Variants in CYP39A1 observed in about 807,000 individuals in gnomAD.
CYP39A1 encodes cytochrome P450 family 39 subfamily A member 1.
CYP39A1 carries 49 observed loss-of-function variants against 58.1 expected under a neutral mutation model. The observed-to-expected ratio is 0.84, with a 90% CI of 0.67 to 1.07. The LOEUF is 1.07. Ranked by LOEUF, CYP39A1 falls within the 50% of genes least tolerant of loss-of-function variation. The pLI is 0.00. For missense variants in CYP39A1, 531 were observed against 539.4 expected, an observed-to-expected ratio of 0.98 and a Z score of 0.16; for synonymous variants, 209 against 187.6, an observed-to-expected ratio of 1.11 and a Z score of -0.93.
chr6:46,594,021 T>C (rs1426647155), intron 8 of CYP39A1, among the ~76,000 whole-genome samples: 1 of 152,134 alleles, frequency 6.6e-6, no homozygotes, highest in African/African-American at 2.4e-5. Flanking sequence ...CTTCACATCC[T>C]GAATTCCTTA....
chr6:46,565,417 A>G lies in CYP39A1; in HGVS notation c.1251-11563T>C, dbSNP rs560010147. 5.1e-4 allele frequency among the ~76,000 whole-genome samples: 78 copies of G among 152,228 alleles called. 3 individuals are homozygous for G. In the South Asian group the frequency reaches 0.015, roughly 30 times the overall value. ...TAGATGTTTTATATTAAATATAGAA[A>G]AAAAAGAACAAAATGGGAAGAGAAG... On this transcript the variant is annotated intron_variant, in intron 10 of 11. Coordinates refer to ENST00000275016, the MANE Select transcript of CYP39A1 (RefSeq NM_016593.5).
chr6:46,590,177 A>G (rs1772745373), intron 8 of CYP39A1, among the ~76,000 whole-genome samples: 1 of 152,196 alleles, frequency 6.6e-6, no homozygotes. Flanking sequence ...AGAGGGAGGC[A>G]AAACAGTTGC....
chr6:46,634,118 A>G (rs1775819599), intron 5 of CYP39A1, among the ~76,000 whole-genome samples: 1 of 152,206 alleles, frequency 6.6e-6, no homozygotes, highest in African/African-American at 2.4e-5. Flanking sequence ...ATGTTGTGGT[A>G]GGGATCCAGT....
At chr6:46,562,413 A>G (rs946753291) in intron 10 of CYP39A1, among the ~76,000 whole-genome samples, 1 of 152,160 alleles carries the variant, frequency 6.6e-6, no homozygotes, top group Non-Finnish European at 1.5e-5. Context: ...CCATTTTACA[A>G]CATGTACATA....
intron 10 of CYP39A1, among the ~76,000 whole-genome samples, chr6:46,572,818 T>A (rs1184153005): frequency 1.3e-5 from 2 of 152,108 alleles, no homozygotes; most frequent in African/African-American, 2.4e-5. Flanking sequence ...ATTATTAGTG[T>A]CCCTTAAGTC....
At chr6:46,623,007 T>A (rs930362135) in intron 7 of CYP39A1, among the ~76,000 whole-genome samples, 5 of 152,152 alleles carry the variant, frequency 3.3e-5, no homozygotes, top group Non-Finnish European at 5.9e-5. Flanking sequence ...TTGGGCAAAG[T>A]GCCTAGAAGT....
At chr6:46,638,168 C>G (rs1776110149) in intron 3 of CYP39A1, among the ~76,000 whole-genome samples, 190 bp from the exon 4 acceptor site, 1 of 152,186 alleles carries the variant, frequency 6.6e-6, no homozygotes, top group East Asian at 1.9e-4. Context: ...ACAGGGGGAA[C>G]TGAAACTGTG....
chr6:46,566,635 G>A (rs1771297173), intron 10 of CYP39A1, among the ~76,000 whole-genome samples: 1 of 151,936 alleles, frequency 6.6e-6, no homozygotes, highest in Admixed American at 6.6e-5. Context: ...GATTTGGGTG[G>A]GGACACAAAG....
intron 7 of CYP39A1, among the ~76,000 whole-genome samples, chr6:46,600,903 C>T (rs561766003): frequency 3.9e-5 from 6 of 152,096 alleles, no homozygotes; most frequent in Non-Finnish European, 8.8e-5. Context: ...GGAAAACTCC[C>T]GATTTGTAGA....
At chr6:46,649,888 T>G (rs575411265) in intron 1 of CYP39A1, among the ~76,000 whole-genome samples, 148 of 152,294 alleles carry the variant, frequency 9.7e-4, no homozygotes, top group Non-Finnish European at 1.8e-3. Flanking sequence ...TTGTCTCTTC[T>G]CAGTCTTCTA....
At chr6:46,603,444 C>G (rs1188332700) in intron 7 of CYP39A1, among the ~76,000 whole-genome samples, 2 of 152,140 alleles carry the variant, frequency 1.3e-5, no homozygotes, top group South Asian at 2.1e-4. Flanking sequence ...ATTCAGTGAA[C>G]ACTGATCAAA....
intron 8 of CYP39A1, among the ~76,000 whole-genome samples, chr6:46,593,788 A>G (rs988962417): frequency 2.0e-4 from 31 of 152,182 alleles, no homozygotes; most frequent in African/African-American, 7.0e-4. Flanking sequence ...TTGTTATGCC[A>G]TATTGATTCA....
rs775984490 is a variant in CYP39A1 at position 46,596,157 on chromosome 6, C to T, written c.932-37G>A. The T allele has an allele frequency of 9.1e-6, 14 of 1,531,618 alleles. No individual in the cohort carries two copies. The South Asian group carries it at 1.7e-4, about 19-fold the overall frequency. 94.9% of individuals were successfully genotyped at this position (1,531,618 alleles called of 1,614,324 possible). On this transcript the variant is annotated intron_variant, in intron 7 of 11. Transcript: ENST00000275016. ...TTTTTAATGAGAAATAAATAGACTA[C>T]AGAGGTCAGAAAGTGATTTCACGTA...
chr6:46,573,312 C>A (rs1328905282), intron 10 of CYP39A1, among the ~76,000 whole-genome samples: 1 of 152,028 alleles, frequency 6.6e-6, no homozygotes, highest in Non-Finnish European at 1.5e-5. Context: ...GAAATACTTT[C>A]ATTTGTGGGT....
intron 1 of CYP39A1, among the ~76,000 whole-genome samples, chr6:46,649,023 AT>A (rs1475414265): frequency 6.6e-6 from 1 of 152,234 alleles, no homozygotes; most frequent in Non-Finnish European, 1.5e-5. Flanking sequence ...TTCTGTCTCA[AT>A]TATAAAGTAC....
At chr6:46,645,182 C>T (rs1004402789) in intron 1 of CYP39A1, among the ~76,000 whole-genome samples, 4 of 152,024 alleles carry the variant, frequency 2.6e-5, no homozygotes, top group Non-Finnish European at 5.9e-5. Context: ...ATGAACTGTC[C>T]TTTTGGTGTC....
At chr6:46,639,821 C>G (rs1776220501) in intron 2 of CYP39A1, among the ~76,000 whole-genome samples, 153 bp from the exon 3 acceptor site, 1 of 152,198 alleles carries the variant, frequency 6.6e-6, no homozygotes, top group African/African-American at 2.4e-5. Flanking sequence ...GATAAAGATT[C>G]AACCTATTCT....
chr6:46,612,998 A>G (rs2150552406), intron 7 of CYP39A1, among the ~76,000 whole-genome samples: 1 of 152,384 alleles, frequency 6.6e-6, no homozygotes, highest in South Asian at 2.1e-4. Context: ...GGGAAGCTGC[A>G]TACAAGTTAT....
Position 46,631,089 on chromosome 6 carries a change from C to T in CYP39A1, c.733-19G>A. The stretch of plus-strand genomic sequence containing the variant: ...ATAATGTCTGTTTAAAAGAAATAAA[C>T]ATTGCCAAACCATGGCTATGTGACA... On this transcript the variant is annotated intron_variant, in intron 5 of 11. Coordinates refer to ENST00000275016, the MANE Select transcript of CYP39A1 (RefSeq NM_016593.5). The T allele has an allele frequency of 6.4e-7, 1 of 1,557,984 alleles. No homozygotes were observed.
Sources: allele counts gnomAD v4.1 joint callset (sites outside exome capture counted in the v4.1 genomes callset), GRCh38; gene constraint gnomAD v4.1.1; transcripts MANE v1.5; gene names NCBI Gene and HGNC (gene_info 2026-07-23, HGNC 2026-07-21).